The following RNF144A variants were observed in gnomAD, a reference collection of about 807,000 sequenced individuals.
RNF144A encodes the protein ring finger protein 144A.
In RNF144A, 11 loss-of-function variants were observed where a neutral mutation model predicts 38.7. The ratio of observed to expected loss-of-function variants is 0.28; its 90% CI spans 0.18 to 0.47. RNF144A has a LOEUF of 0.47. RNF144A is among the 20% of genes least tolerant of loss of function. The pLI is 0.99. For missense variants in RNF144A, 316 were observed against 377.2 expected (o/e 0.84, Z 1.34); for synonymous variants, 149 against 143.9 (o/e 1.04, Z -0.25).
At chr2:6,986,073 G>A (rs1668943964) in intron 2 of RNF144A, among the ~76,000 whole-genome samples, 1 of 152,074 alleles carries the variant, frequency 6.6e-6, no homozygotes, top group African/African-American at 2.4e-5. Flanking sequence ...TTTTCACGTG[G>A]GCAGAAGGAA....
At chr2:7,028,296 A>G (rs1269225512) in intron 7 of RNF144A, among the ~76,000 whole-genome samples, 1 of 152,208 alleles carries the variant, frequency 6.6e-6, no homozygotes, top group Non-Finnish European at 1.5e-5. Context: ...TGCTGGAAAG[A>G]CAAGGTGAGG....
intron 2 of RNF144A, among the ~76,000 whole-genome samples, chr2:6,955,353 GCTT>G (rs1027777234): frequency 2.6e-5 from 4 of 152,094 alleles, no homozygotes; most frequent in African/African-American, 9.7e-5. Context: ...ATCAACTAAG[GCTT>G]CCCCTCTGTG....
At chr2:7,017,310 T>TC (rs1348876156) in intron 5 of RNF144A, among the ~76,000 whole-genome samples, 1 of 115,638 alleles carries the variant, frequency 8.6e-6, no homozygotes, top group Non-Finnish European at 1.7e-5. Context: ...TTGTTTTTTT[T>TC]TTTGTTCTTT....
At position 6,985,270 on chromosome 2, in the gene RNF144A, C is replaced by T. The variant is rs12997804; in HGVS notation, c.-11-11646C>T. On this transcript the variant is annotated intron_variant, in intron 2 of 8. Coordinates refer to ENST00000320892, the MANE Select transcript of RNF144A (RefSeq NM_014746.6). ...GTTTTAATTCATCTCCCTCCCCCCT[C>T]TTTTTTTTTTTTTTTTTTTTTTTAA... Among the ~76,000 whole-genome samples the T allele has an allele frequency of 3.0e-3, 317 of 104,704 alleles. 21 individuals carry two copies. Among genetic ancestry groups the T allele is most frequent in the Middle Eastern group, 0.011 (2 of 190 alleles). 68.7% of individuals were successfully genotyped at this position (104,704 alleles called of 152,430 possible).
At chr2:7,014,637 T>C in intron 4 of RNF144A, 75 bp from the exon 5 acceptor site, 1 of 1,529,686 alleles carries the variant, frequency 6.5e-7, no homozygotes, top group East Asian at 2.3e-5. Context: ...ACGTGGGTTT[T>C]GTTTGGGTGT....
intron 1 of RNF144A, among the ~76,000 whole-genome samples, chr2:6,936,844 AGTGTGTGTGTGTGTGT>A (rs55971680): frequency 6.9e-6 from 1 of 144,092 alleles, no homozygotes; most frequent in East Asian, 2.1e-4. Flanking sequence ...CACACACAGT[AGTGTGTGTGTGTGTGT>A]GTGTGTGTGT....
At chr2:6,997,283 G>T (rs1344666672) in intron 3 of RNF144A, among the ~76,000 whole-genome samples, 2 of 152,132 alleles carry the variant, frequency 1.3e-5, no homozygotes, top group Non-Finnish European at 2.9e-5. Context: ...AAAAGCAATC[G>T]GTTAAACAGA....
chr2:6,922,027 C>G (rs895998388), intron 1 of RNF144A, among the ~76,000 whole-genome samples: 1 of 152,200 alleles, frequency 6.6e-6, no homozygotes, highest in Non-Finnish European at 1.5e-5. Flanking sequence ...CTGGCATCTC[C>G]TGGAAGGTCC....
intron 7 of RNF144A, 56 bp from the exon 8 acceptor site, chr2:7,030,070 C>G (rs1295448046): frequency 8.3e-7 from 1 of 1,205,232 alleles, no homozygotes; most frequent in Non-Finnish European, 1.2e-6. Flanking sequence ...CTGTGATACT[C>G]ACCGAACTGA....
rs548174882 is a variant in RNF144A at position 7,035,498 on chromosome 2, C to T, written c.748-4131C>T. ...CGTCCTACAAATGGGTCAGCTGGGCCACCCTCTGTCACTGACCCTGCTGTG... is the reference window on the plus strand; with the variant it reads ...CGTCCTACAAATGGGTCAGCTGGGCTACCCTCTGTCACTGACCCTGCTGTG... On this transcript the variant is annotated intron_variant, in intron 8 of 8. Transcript: ENST00000320892. Among the ~76,000 whole-genome samples, 28 of 152,318 alleles carry T rather than the reference C, an allele frequency of 1.8e-4. No homozygotes were observed. The East Asian group carries it at 5.2e-3, about 28-fold the overall frequency.
chr2:7,018,436 C>T (rs540640779), intron 5 of RNF144A, among the ~76,000 whole-genome samples: 5 of 152,272 alleles, frequency 3.3e-5, no homozygotes, highest in African/African-American at 9.6e-5. Flanking sequence ...ATCGCGGGGA[C>T]GGGATGGGAG....
At chr2:7,055,012 C>T (rs1316080478) in intron 6 of RNF144A, among the ~76,000 whole-genome samples, 1 of 152,176 alleles carries the variant, frequency 6.6e-6, no homozygotes. Context: ...CCATGCCCTG[C>T]AGTTGCTTTA....
rs1572484686 is a variant in RNF144A at position 7,052,696 on chromosome 2, C to A, written c.735-15520C>A. 2.0e-5 allele frequency among the ~76,000 whole-genome samples: 3 copies of A among 152,142 alleles called. No individual in the cohort carries two copies. The East Asian group carries it at 5.8e-4, about 29-fold the overall frequency. On this transcript the variant is annotated intron_variant, in intron 6 of 6. Transcript: ENST00000432850. ...GAAGGGAAGACTCTGGCTGTGACCC[C>A]CATGCTGAGAGCATGTTTTAGGTTT...
chr2:7,065,003 TC>T (rs1038675390), intron 6 of RNF144A, among the ~76,000 whole-genome samples: 11 of 152,288 alleles, frequency 7.2e-5, no homozygotes, highest in African/African-American at 2.4e-4. Context: ...TCTGTGACAA[TC>T]TACATTCTGA....
intron 6 of RNF144A, among the ~76,000 whole-genome samples, chr2:7,022,851 A>T (rs72783706): frequency 0.046 from 6,983 of 152,278 alleles, 177 homozygotes; most frequent in Middle Eastern, 0.078. Context: ...CAACAACCTT[A>T]GTTCATTCTT....
intron 1 of RNF144A, among the ~76,000 whole-genome samples, chr2:6,931,342 A>G (rs987865073): frequency 6.6e-6 from 1 of 152,264 alleles, no homozygotes; most frequent in African/African-American, 2.4e-5. Context: ...TCTGAGGATT[A>G]AAGAAATCAT....
At chr2:6,932,143 T>A (rs923857397) in intron 1 of RNF144A, among the ~76,000 whole-genome samples, 3 of 152,226 alleles carry the variant, frequency 2.0e-5, no homozygotes, top group African/African-American at 7.2e-5. Context: ...GGAAAATTGA[T>A]CTCTTTATTA....
chr2:7,074,255 G>A, the RNF144A span, among the ~76,000 whole-genome samples: 3 of 152,210 alleles, frequency 2.0e-5, no homozygotes, highest in South Asian at 4.1e-4. Flanking sequence ...TACCACCAGG[G>A]CATGATAAAA....
chr2:7,064,953 G>A (rs1674141539), intron 6 of RNF144A, among the ~76,000 whole-genome samples: 2 of 152,210 alleles, frequency 1.3e-5, no homozygotes, highest in South Asian at 4.1e-4. Flanking sequence ...ACTCGGGGCA[G>A]TAGTAGATCT....
Sources: allele counts gnomAD v4.1 joint callset (sites outside exome capture counted in the v4.1 genomes callset), GRCh38; gene constraint gnomAD v4.1.1; transcripts MANE v1.5; gene names NCBI Gene and HGNC (gene_info 2026-07-23, HGNC 2026-07-21).